The following SRGAP2C variants were observed in gnomAD, a reference collection of about 807,000 sequenced individuals.
SRGAP2C encodes the protein SLIT-ROBO Rho GTPase-activating protein 2C.
In SRGAP2C, 15 loss-of-function variants were observed where a neutral mutation model predicts 25.1. The ratio of observed to expected loss-of-function variants is 0.60; its 90% confidence interval spans 0.40 to 0.92. The LOEUF is 0.92. Among genes scored for constraint, SRGAP2C ranks in the 40% least tolerant of loss-of-function variants. SRGAP2C has a pLI of 0.00. For missense variants in SRGAP2C, 144 were observed against 264.4 expected (o/e 0.54, Z 3.16); for synonymous variants, 44 against 96.6 (o/e 0.46, Z 3.19).
Position 121,239,222 on chromosome 1 carries a change from A to AG in SRGAP2C, c.68-45581_68-45580insG, listed in dbSNP as rs1158587287. On this transcript the variant is annotated intron_variant, in intron 2 of 9. Coordinates refer to ENST00000367123, the MANE Select transcript of SRGAP2C (RefSeq NM_001329984.2). ...TATATATATATATATATATATATAT[A>AG]TATATACTATATATATATATATACT... is the stretch of plus-strand genomic sequence containing the variant. Among the ~76,000 whole-genome samples, 2 of 5,164 alleles carry AG rather than the reference A, an allele frequency of 3.9e-4. 1 individual carries two copies. Among genetic ancestry groups the AG allele is most frequent in the South Asian group, 8.3e-3 (2 of 242 alleles). The allele number at this position is 5,164 out of a possible 152,430, so 3.4% of individuals were successfully genotyped here.
chr1:121,346,731 A>G (rs1165070667), intron 4 of SRGAP2C, among the ~76,000 whole-genome samples: 46 of 152,262 alleles, frequency 3.0e-4, no homozygotes, highest in Non-Finnish European at 5.3e-4. Flanking sequence ...AGCCCTTTGA[A>G]TATTTTTCTG....
rs1172129202 is a variant in SRGAP2C, at chr1:121,343,903, G to GA, written c.423+19271dup. Among the ~76,000 whole-genome samples, 5 of 151,130 alleles carry GA rather than the reference G, an allele frequency of 3.3e-5. No homozygotes were observed. In the South Asian group the frequency reaches 6.3e-4, roughly 19 times the overall value. On this transcript the variant is annotated intron_variant, in intron 4 of 9. Transcript: ENST00000367123. ...ATGCTCTTGTAGTTTATGAATTAAA[G>GA]AAAAAAAATTCCTGATCTGGGAATG...
At chr1:121,235,035 T>C (rs1179109167) in intron 2 of SRGAP2C, among the ~76,000 whole-genome samples, 4 of 149,004 alleles carry the variant, frequency 2.7e-5, no homozygotes, top group Non-Finnish European at 3.0e-5. Context: ...TCTTTTTTTT[T>C]TTTTGAGGCG....
chr1:121,295,368 A>T (rs1657572719), intron 3 of SRGAP2C, among the ~76,000 whole-genome samples: 1 of 151,686 alleles, frequency 6.6e-6, no homozygotes, highest in African/African-American at 2.4e-5. Context: ...TTGCTAAATG[A>T]CAAGAAACAT....
At chr1:121,279,805 G>A (rs1319832412) in intron 2 of SRGAP2C, among the ~76,000 whole-genome samples, 1 of 141,454 alleles carries the variant, frequency 7.1e-6, no homozygotes, top group Non-Finnish European at 1.5e-5. Context: ...GGAGTTCAAT[G>A]TCATGGCCAA....
chr1:121,222,084 AC>A (rs1558085151), intron 2 of SRGAP2C, among the ~76,000 whole-genome samples: 1 of 151,880 alleles, frequency 6.6e-6, no homozygotes, highest in Non-Finnish European at 1.5e-5. Context: ...AGGCTTAAAA[AC>A]AAAAACAAAA....
intron 2 of SRGAP2C, among the ~76,000 whole-genome samples, chr1:121,244,008 A>G (rs1249444070): frequency 6.9e-6 from 1 of 145,956 alleles, no homozygotes; most frequent in Non-Finnish European, 1.5e-5. Context: ...ACAGTATTGG[A>G]GGAAGGTGTT....
At chr1:121,258,025 C>T (rs1222109278) in intron 2 of SRGAP2C, among the ~76,000 whole-genome samples, 7 of 151,432 alleles carry the variant, frequency 4.6e-5, no homozygotes, top group African/African-American at 1.7e-4. Flanking sequence ...AAGAAAATTG[C>T]CTGGGTTGAA....
At chr1:121,263,605 AACCTGAGTTC>A (rs1218239587) in intron 2 of SRGAP2C, among the ~76,000 whole-genome samples, 1 of 151,722 alleles carries the variant, frequency 6.6e-6, no homozygotes, top group African/African-American at 2.4e-5. Context: ...CAGGGTCCAG[AACCTGAGTTC>A]ACCAGCTCCA....
At chr1:121,340,098 GGAAAT>G (rs1658616843) in intron 4 of SRGAP2C, among the ~76,000 whole-genome samples, 1 of 150,364 alleles carries the variant, frequency 6.7e-6, no homozygotes, top group Admixed American at 6.7e-5. Flanking sequence ...AGGCTAGAAA[GGAAAT>G]ACAGAGAACA....
At chr1:121,279,733 A>T (rs1348208101) in intron 2 of SRGAP2C, among the ~76,000 whole-genome samples, 2 of 141,224 alleles carry the variant, frequency 1.4e-5, no homozygotes, top group Non-Finnish European at 3.1e-5. Flanking sequence ...TTGAATTCAC[A>T]TATAAAAACA....
At chr1:121,295,911 G>T (rs1324969725) in intron 3 of SRGAP2C, among the ~76,000 whole-genome samples, 1 of 152,104 alleles carries the variant, frequency 6.6e-6, no homozygotes, top group African/African-American at 2.4e-5. Flanking sequence ...ACAGGCATGC[G>T]CCATGACGCC....
chr1:121,231,685 G>GAATAACAGAGC (rs1558088096), intron 2 of SRGAP2C, among the ~76,000 whole-genome samples: 1 of 150,308 alleles, frequency 6.7e-6, no homozygotes, highest in African/African-American at 2.5e-5. Context: ...ATTGATGTGA[G>GAATAACAGAGC]AATAACAGAG....
chr1:121,377,046 G>T (rs1186168678), intron 7 of SRGAP2C, among the ~76,000 whole-genome samples: 2 of 149,794 alleles, frequency 1.3e-5, no homozygotes, highest in Non-Finnish European at 3.0e-5. Context: ...TCTCCATCAG[G>T]TATAACCAAG....
intron 4 of SRGAP2C, among the ~76,000 whole-genome samples, chr1:121,355,062 T>A (rs1659030297): frequency 1.1e-5 from 1 of 91,150 alleles, no homozygotes; most frequent in African/African-American, 3.9e-5. Flanking sequence ...AGACATTTCC[T>A]AGTAAAGACT....
chr1:121,278,983 C>G (rs1326204944), intron 2 of SRGAP2C, among the ~76,000 whole-genome samples: 1 of 152,136 alleles, frequency 6.6e-6, no homozygotes, highest in African/African-American at 2.4e-5. Context: ...AATTAATATT[C>G]CTGAGATGGC....
At chr1:121,233,708 GTCTC>G (rs1322240975) in intron 2 of SRGAP2C, among the ~76,000 whole-genome samples, 7 of 135,892 alleles carry the variant, frequency 5.2e-5, no homozygotes, top group Non-Finnish European at 1.1e-4. Context: ...CTTTCTCTCT[GTCTC>G]TCTCTCTTTT....
At chr1:121,233,145 CTT>C (rs1196199123) in intron 2 of SRGAP2C, among the ~76,000 whole-genome samples, 359 of 117,910 alleles carry the variant, frequency 3.0e-3, no homozygotes, top group African/African-American at 9.2e-3. Flanking sequence ...CCCCTTGGTT[CTT>C]TTTTTTTTTT....
intron 2 of SRGAP2C, among the ~76,000 whole-genome samples, chr1:121,189,200 C>T (rs1170387456): frequency 1.2e-3 from 24 of 19,202 alleles, no homozygotes; most frequent in African/African-American, 8.8e-3. Flanking sequence ...TCCAGAAGCA[C>T]GCCATTTGAC....
Sources: gnomAD v4.1 joint callset for allele counts (sites outside exome capture counted in the v4.1 genomes callset) on GRCh38, gnomAD v4.1.1 for gene constraint, MANE v1.5 for transcripts, NCBI Gene and HGNC (gene_info 2026-07-23, HGNC 2026-07-21) for gene names.